The following ADAP1 variants were observed in gnomAD, a reference collection of about 807,000 sequenced individuals.
ADAP1 encodes the protein ArfGAP with dual PH domains 1.
ADAP1 carries 31 observed loss-of-function variants against 54.9 expected under a neutral mutation model. The ratio of observed to expected loss-of-function variants is 0.56; its 90% CI spans 0.42 to 0.76. The LOEUF (loss-of-function observed/expected upper bound fraction) is 0.76. ADAP1 is among the 30% of genes least tolerant of loss of function. The pLI, the probability that ADAP1 is intolerant of heterozygous loss-of-function variation, is 0.00. For missense variants in ADAP1, 535 were observed against 512.4 expected, an observed-to-expected ratio of 1.04 and a Z score of -0.42; for synonymous variants, 313 against 202.6, an observed-to-expected ratio of 1.55 and a Z score of -4.63.
intron 1 of ADAP1, among the ~76,000 whole-genome samples, chr7:953,481 C>T (rs1211786548): frequency 2.0e-5 from 3 of 152,202 alleles, no homozygotes; most frequent in Non-Finnish European, 2.9e-5. Flanking sequence ...GGTCTTCCCC[C>T]GCTCCCTCCC....
At chr7:900,685 G>A (rs1223570030) in intron 6 of ADAP1, 69 bp from the exon 7 acceptor site, 2 of 1,421,898 alleles carry the variant, frequency 1.4e-6, no homozygotes, top group Non-Finnish European at 1.9e-6. Flanking sequence ...CAGAGGGGCT[G>A]GGGTCCCCAC....
chr7:907,286 G>A (rs779198116), intron 4 of ADAP1, among the ~76,000 whole-genome samples: 1 of 152,170 alleles, frequency 6.6e-6, no homozygotes, highest in Non-Finnish European at 1.5e-5. Context: ...GGACGCTGCT[G>A]TGGCAGACGA....
chr7:954,837 GC>G, upstream of ADAP1: 2 of 596,424 alleles, frequency 3.4e-6, no homozygotes, highest in Non-Finnish European at 4.2e-6. Flanking sequence ...CCCGCCGCCC[GC>G]CCCCCATCCG....
rs1333625353 is a variant in ADAP1, at chr7:906,716, T to A, written c.389-1544A>T. On this transcript the variant is annotated intron_variant, in intron 4 of 10. Transcript: ENST00000265846. ...GGACATGGACATGGGGGACGGGACA[T>A]CGGGGACGGGACATGGGGGACAGAG... is the stretch of plus-strand genomic sequence containing the variant. 2.9e-3 allele frequency among the ~76,000 whole-genome samples: 60 copies of A among 20,424 alleles called. 2 individuals carry two copies. Among genetic ancestry groups the A allele is most frequent in the East Asian group, 0.017 (4 of 230 alleles). 13.4% of individuals were successfully genotyped at this position (20,424 alleles called of 152,430 possible). A position where few individuals can be genotyped will look rare whatever the true frequency, so the allele number is the denominator to read the frequency against.
chr7:898,013 ACAGCT>A lies in ADAP1; in HGVS notation c.*903_*907del, dbSNP rs1396316278. The stretch of plus-strand genomic sequence containing the variant: ...GGCTTGTCCAGGGCTCCCCTGGAAC[ACAGCT>A]CAGCCAGGCAAGGCTGGGAGAGGGC... On this transcript the variant is annotated 3_prime_UTR_variant, in exon 11 of 11. Transcript: ENST00000265846. The A allele has an allele frequency of 6.6e-6, 1 of 152,214 alleles. No individual in the cohort carries two copies. The highest frequency in any genetic ancestry group is 2.4e-5 in the African/African-American group (1 of 41,454). The allele number at this position is 152,214 out of a possible 1,614,324, so 9.4% of individuals were successfully genotyped here. A position where few individuals can be genotyped will look rare whatever the true frequency, so the allele number is the denominator to read the frequency against.
chr7:914,153 G>T (rs1177729795), intron 4 of ADAP1, among the ~76,000 whole-genome samples: 1 of 152,198 alleles, frequency 6.6e-6, no homozygotes, highest in Admixed American at 6.5e-5. Flanking sequence ...CAGCCTCTAG[G>T]AGTTCTTGGT....
Position 905,146 on chromosome 7 carries a change from G to T in ADAP1, c.415C>A (p.Arg139Ser). The change falls in exon 5 of 11, where the codon CGT becomes AGT. Residue 139 changes from arginine (R) to serine (S), a missense_variant. Transcript: ENST00000265846. ...AGYREGFLWK[R>S]GRDNGQFLSR... ...AAAAACTGCCCGTTGTCCCGGCCAC[G>T]CTTCCAGAGAAAACCCTCACGGTAC... 6.2e-7 allele frequency: 1 copy of T among 1,612,184 alleles called. No homozygotes were observed. Among genetic ancestry groups the T allele is most frequent in the East Asian group, 2.2e-5 (1 of 44,882 alleles).
intron 1 of ADAP1, among the ~76,000 whole-genome samples, chr7:948,841 C>T (rs1446588230): frequency 2.0e-5 from 3 of 152,166 alleles, no homozygotes; most frequent in East Asian, 1.9e-4. Context: ...GGATTTCAGG[C>T]GTGCGCCACC....
At chr7:943,075 GGAGGAAGGGAGAGAGGAT>G (rs1293608534) in intron 1 of ADAP1, among the ~76,000 whole-genome samples, 1 of 17,750 alleles carries the variant, frequency 5.6e-5, no homozygotes, top group Non-Finnish European at 1.1e-4. Context: ...AGGAGGAAGA[GGAGGAAGGGAGAGAGGAT>G]GAGGAAGGGA....
chr7:918,828 G>A (rs987141574), intron 4 of ADAP1, among the ~76,000 whole-genome samples: 1 of 152,228 alleles, frequency 6.6e-6, no homozygotes, highest in African/African-American at 2.4e-5. Context: ...CTCCTACAGA[G>A]CAGACAGGAG....
chr7:930,957 G>A (rs1284888912), intron 2 of ADAP1, among the ~76,000 whole-genome samples: 1 of 148,754 alleles, frequency 6.7e-6, no homozygotes, highest in East Asian at 2.0e-4. Context: ...TCCAGCCTGG[G>A]CGACAGAGTC....
chr7:917,396 G>T (rs1312866317), intron 4 of ADAP1, among the ~76,000 whole-genome samples: 5 of 152,116 alleles, frequency 3.3e-5, no homozygotes, highest in African/African-American at 1.2e-4. Context: ...TTGGAGCACT[G>T]GGGGTCAGGG....
In ADAP1 at chr7:942,385, G is replaced by A. The variant is rs1345769636; in HGVS notation, c.83-6880C>T. The stretch of plus-strand genomic sequence containing the variant: ...AAGAGAGAGGAGGAGGAGGAAGGGA[G>A]AGAGGAGGAGGAAGGGAGAGAGGAG... On this transcript the variant is annotated intron_variant, in intron 1 of 10. Coordinates refer to ENST00000265846, the MANE Select transcript of ADAP1 (RefSeq NM_006869.4). Among the ~76,000 whole-genome samples the A allele has an allele frequency of 2.9e-5, 3 of 104,798 alleles. 1 individual carries two copies. Among genetic ancestry groups the A allele is most frequent in the Non-Finnish European group, 5.9e-5 (3 of 50,728 alleles). 68.8% of individuals were successfully genotyped at this position (104,798 alleles called of 152,430 possible). A position where few individuals can be genotyped will look rare whatever the true frequency, so the allele number is the denominator to read the frequency against.
intron 4 of ADAP1, among the ~76,000 whole-genome samples, chr7:918,912 G>GGAGTTGGGGACTGCTGGGGGGCA (rs11274115): frequency 9.0e-4 from 136 of 151,300 alleles, no homozygotes; most frequent in Non-Finnish European, 9.7e-4. Context: ...AGGAGAAGCA[G>GGAGTTGGGGACTGCTGGGGGGCA]GAGTTGGGGA....
At position 926,366 on chromosome 7, in the gene ADAP1, G is replaced by GCGCCCCCC. The variant is rs2128106733; in HGVS notation, c.305+186_305+187insGGGGGGCG. 6.9e-6 allele frequency among the ~76,000 whole-genome samples: 1 copy of GCGCCCCCC among 145,734 alleles called. No homozygotes were observed. Among genetic ancestry groups the GCGCCCCCC allele is most frequent in the Non-Finnish European group, 1.5e-5 (1 of 65,592 alleles). ...CCCCACCCCAGCGCCCCCCGCCCCA[G>GCGCCCCCC]AACCAAAGCCCGGTGGTGGCCAGCA... On this transcript the variant is annotated intron_variant, in intron 3 of 10. Transcript: ENST00000265846. The surrounding 1 kb of genome is among the most constrained non-coding windows in gnomAD (Gnocchi z 4.6).
chr7:915,323 T>TC (rs1440212901), intron 4 of ADAP1, among the ~76,000 whole-genome samples: 2 of 152,052 alleles, frequency 1.3e-5, no homozygotes, highest in Non-Finnish European at 2.9e-5. Flanking sequence ...ACTGTGCACC[T>TC]CCCCACCATC....
At chr7:934,365 G>T (rs566956761) in intron 2 of ADAP1, among the ~76,000 whole-genome samples, 19 of 149,470 alleles carry the variant, frequency 1.3e-4, no homozygotes, top group African/African-American at 3.7e-4. Flanking sequence ...CTGGAGAGGG[G>T]GTGCCAGAGT....
At chr7:927,465 T>G (rs1253795915) in intron 2 of ADAP1, 2 of 473,036 alleles carry the variant, frequency 4.2e-6, no homozygotes, top group East Asian at 1.4e-4. Flanking sequence ...AGGCAGCTGC[T>G]GTTTGCACCT....
At chr7:940,373 C>CACAA (rs1554277620) in intron 1 of ADAP1, among the ~76,000 whole-genome samples, 1 of 139,062 alleles carries the variant, frequency 7.2e-6, no homozygotes, top group African/African-American at 2.7e-5. Flanking sequence ...CACACACACA[C>CACAA]AATATGGAGA....
Sources: allele counts gnomAD v4.1 joint callset (sites outside exome capture counted in the v4.1 genomes callset), GRCh38; gene constraint gnomAD v4.1.1; non-coding constraint Gnocchi (gnomAD v3.1); transcripts MANE v1.5; gene names NCBI Gene and HGNC (gene_info 2026-07-23, HGNC 2026-07-21).